Variants in PDE4D observed in about 807,000 individuals in gnomAD.
PDE4D encodes the protein phosphodiesterase 4D.
Under a neutral mutation model 87.4 loss-of-function variants are expected in PDE4D, and 24 were observed. That is an observed-to-expected ratio of 0.27 (90% confidence interval 0.20 to 0.39). The LOEUF (loss-of-function observed/expected upper bound fraction) is 0.39. Among genes scored for constraint, PDE4D ranks in the 10% least tolerant of loss-of-function variants. PDE4D has a pLI of 1.00. For missense variants in PDE4D, 714 were observed against 1,041.0 expected (o/e 0.69, Z 4.32); for synonymous variants, 384 against 383.2 (o/e 1.00, Z -0.02).
At chr5:59,437,745 T>C (rs1258371965) in intron 1 of PDE4D, among the ~76,000 whole-genome samples, 2 of 151,954 alleles carry the variant, frequency 1.3e-5, no homozygotes, top group African/African-American at 4.8e-5. Flanking sequence ...GTGCAATTCA[T>C]GCATCAAGAC....
intron 1 of PDE4D, among the ~76,000 whole-genome samples, chr5:59,423,802 C>T (rs1794814231): frequency 1.4e-5 from 2 of 145,708 alleles, no homozygotes; most frequent in African/African-American, 5.0e-5. Flanking sequence ...ATCATGATGG[C>T]TGGGAATGTA....
chr5:59,663,742 T>A (rs1242050391), intron 1 of PDE4D, among the ~76,000 whole-genome samples: 2 of 152,172 alleles, frequency 1.3e-5, no homozygotes, highest in African/African-American at 4.8e-5. Context: ...ATTCACTGCA[T>A]TTTCAGTGTC....
chr5:59,216,050 G>A, intron 1 of PDE4D, 82 bp from the exon 2 acceptor site: 1 of 942,560 alleles, frequency 1.1e-6, no homozygotes, highest in Non-Finnish European at 1.6e-6. Flanking sequence ...GTCAGCTGAG[G>A]AACTGACAGT....
intron 2 of PDE4D, among the ~76,000 whole-genome samples, chr5:60,104,016 G>A (rs1776543045): frequency 6.6e-6 from 1 of 152,298 alleles, no homozygotes; most frequent in African/African-American, 2.4e-5. Context: ...GCGCAGGACA[G>A]TGGGTGCAGC....
intron 1 of PDE4D, chr5:59,275,619 C>T: frequency 7.5e-7 from 1 of 1,334,326 alleles, no homozygotes; most frequent in Non-Finnish European, 9.6e-7. Context: ...TGAATTTACT[C>T]CAGTACTAGG....
chr5:60,037,804 T>C (rs1015499763), intron 2 of PDE4D, among the ~76,000 whole-genome samples: 1 of 152,248 alleles, frequency 6.6e-6, no homozygotes, highest in Non-Finnish European at 1.5e-5. Flanking sequence ...ACAACTTTTA[T>C]TCTGACACTT....
At chr5:59,058,208 T>C (rs761264335) in intron 5 of PDE4D, among the ~76,000 whole-genome samples, 1 of 152,216 alleles carries the variant, frequency 6.6e-6, no homozygotes, top group Non-Finnish European at 1.5e-5. Flanking sequence ...TAGTTTCTAA[T>C]GCATCTGAGA....
rs189071045 is a variant in PDE4D at position 59,748,707 on chromosome 5, G to A, written c.455+144461C>T. ...AGGAGATATACCTAATGTAAATGAC[G>A]AGTTAATAATGGGTGCAGCACACCA... On this transcript the variant is annotated intron_variant, in intron 1 of 14. Coordinates refer to ENST00000340635, the MANE Select transcript of PDE4D (RefSeq NM_001104631.2). Among the ~76,000 whole-genome samples the A allele has an allele frequency of 1.8e-4, 27 of 151,766 alleles. No individual in the cohort carries two copies. The East Asian group carries it at 3.7e-3, about 21-fold the overall frequency.
In PDE4D at chr5:59,684,777, A is replaced by G. The variant is rs186624806; in HGVS notation, c.455+208391T>C. Among the ~76,000 whole-genome samples the G allele has an allele frequency of 6.1e-4, 93 of 152,332 alleles. 1 individual carries two copies. The highest frequency in any genetic ancestry group is 6.1e-3 in the Admixed American group (93 of 15,302). Reference sequence around the variant, plus strand: ...CTGGTATTTACTGAGCACAGAGGGCATGTTGTGGCAGACACATTCCTGGGA... The same window carrying G: ...CTGGTATTTACTGAGCACAGAGGGCGTGTTGTGGCAGACACATTCCTGGGA... On this transcript the variant is annotated intron_variant, in intron 1 of 14. Coordinates refer to ENST00000340635, the MANE Select transcript of PDE4D (RefSeq NM_001104631.2).
chr5:59,904,382 A>G (rs979625839), intron 3 of PDE4D, among the ~76,000 whole-genome samples: 29 of 152,262 alleles, frequency 1.9e-4, no homozygotes, highest in Non-Finnish European at 3.7e-4. Context: ...GAAGAAGGGG[A>G]GTTTCTCTCC....
At chr5:60,218,619 C>G (rs894413557) in intron 1 of PDE4D, among the ~76,000 whole-genome samples, 1 of 151,996 alleles carries the variant, frequency 6.6e-6, no homozygotes, top group African/African-American at 2.4e-5. Flanking sequence ...AATTGAGAAT[C>G]ATTTCAAATG....
intron 1 of PDE4D, among the ~76,000 whole-genome samples, chr5:60,380,705 C>T (rs16877967): frequency 0.1 from 15,643 of 152,154 alleles, 1,566 homozygotes; most frequent in African/African-American, 0.26. Flanking sequence ...GCTAGTGCAC[C>T]TTGAAGGTGA....
intron 1 of PDE4D, among the ~76,000 whole-genome samples, chr5:59,615,126 G>A (rs776989970): frequency 5.9e-5 from 9 of 152,212 alleles, no homozygotes; most frequent in Middle Eastern, 6.8e-3. Flanking sequence ...CACCACGCCT[G>A]GCTGGGATAT....
At chr5:60,295,581 GCTTCTACCA>G (rs1011997369) in intron 1 of PDE4D, among the ~76,000 whole-genome samples, 5 of 152,096 alleles carry the variant, frequency 3.3e-5, no homozygotes, top group Non-Finnish European at 5.9e-5. Context: ...AGCAACCCTG[GCTTCTACCA>G]ACTAGATGGC....
intron 2 of PDE4D, among the ~76,000 whole-genome samples, chr5:60,061,585 T>C (rs1394693708): frequency 1.3e-5 from 2 of 152,118 alleles, no homozygotes; most frequent in East Asian, 3.9e-4. Flanking sequence ...AAAACTACTC[T>C]AAAATTCATA....
At chr5:59,639,180 A>G (rs1741119685) in intron 1 of PDE4D, among the ~76,000 whole-genome samples, 2 of 152,168 alleles carry the variant, frequency 1.3e-5, no homozygotes, top group Non-Finnish European at 2.9e-5. Context: ...ACTATTGTGT[A>G]TAGTCTCGAT....
At chr5:59,751,791 C>A (rs1006877171) in intron 1 of PDE4D, among the ~76,000 whole-genome samples, 3 of 152,088 alleles carry the variant, frequency 2.0e-5, no homozygotes, top group Non-Finnish European at 4.4e-5. Flanking sequence ...CACTTCCCCT[C>A]CTTCCACACT....
intron 5 of PDE4D, among the ~76,000 whole-genome samples, chr5:59,179,373 A>T (rs927107281): frequency 6.6e-6 from 1 of 152,188 alleles, no homozygotes; most frequent in Non-Finnish European, 1.5e-5. Context: ...AAGTGCTGAG[A>T]TTACAAGCGT....
chr5:60,192,630 G>A (rs115026191), intron 1 of PDE4D, among the ~76,000 whole-genome samples: 2,335 of 152,200 alleles, frequency 0.015, 46 homozygotes, highest in African/African-American at 0.053. Context: ...AAAAGCTTGT[G>A]TTATAATATT....
Sources: gnomAD v4.1 joint callset for allele counts (sites outside exome capture counted in the v4.1 genomes callset) on GRCh38, gnomAD v4.1.1 for gene constraint, MANE v1.5 for transcripts, NCBI Gene and HGNC (gene_info 2026-07-23, HGNC 2026-07-21) for gene names.